GALNT9: variants seen among roughly 807,000 people sequenced by gnomAD.
GALNT9 encodes polypeptide N-acetylgalactosaminyltransferase 9, also known as GalNAc transferase 9.
Under a neutral mutation model 63.1 loss-of-function variants are expected in GALNT9, and 47 were observed. The ratio of observed to expected loss-of-function variants is 0.75; its 90% CI spans 0.59 to 0.95. The LOEUF (loss-of-function observed/expected upper bound fraction) is 0.95. Among genes scored for constraint, GALNT9 ranks in the 40% least tolerant of loss-of-function variants. GALNT9 has a pLI of 0.00. For synonymous variants in GALNT9, 396 were observed against 365.7 expected (o/e 1.08, Z -0.94); for missense variants, 829 against 874.8 (o/e 0.95, Z 0.66).
At chr12:132,247,886 C>G (rs782148465) in intron 6 of GALNT9, 24 bp downstream of exon 6, 1 of 1,550,910 alleles carries the variant, frequency 6.4e-7, no homozygotes, top group Non-Finnish European at 8.7e-7. Context: ...TCACCCTGTC[C>G]CTGGACACCG....
intron 1 of GALNT9, among the ~76,000 whole-genome samples, chr12:132,314,366 T>A (rs1216739287): frequency 6.6e-6 from 1 of 152,158 alleles, no homozygotes; most frequent in Non-Finnish European, 1.5e-5. Flanking sequence ...CTAACTTTTC[T>A]GGGACCTACC....
chr12:132,247,255 G>A (rs574735050), intron 6 of GALNT9, among the ~76,000 whole-genome samples: 2 of 152,310 alleles, frequency 1.3e-5, no homozygotes, highest in South Asian at 4.1e-4. Context: ...CCCACCCTCT[G>A]TGCCGAAGGA....
At chr12:132,260,111 G>T (rs1879320155) in intron 4 of GALNT9, among the ~76,000 whole-genome samples, 1 of 152,008 alleles carries the variant, frequency 6.6e-6, no homozygotes, top group African/African-American at 2.4e-5. Flanking sequence ...GGGTTTGCCT[G>T]GGGGCATCCT....
chr12:132,307,753 G>GC (rs36053995), intron 1 of GALNT9, among the ~76,000 whole-genome samples: 36,039 of 151,788 alleles, frequency 0.24, 5,314 homozygotes, highest in South Asian at 0.39. Flanking sequence ...AGAATCACCT[G>GC]CACCTAGGAG....
chr12:132,208,568 G>A (rs746019775), intron 6 of GALNT9, among the ~76,000 whole-genome samples: 7 of 152,166 alleles, frequency 4.6e-5, no homozygotes, highest in African/African-American at 1.4e-4. Flanking sequence ...TAACCTGGCC[G>A]CCAGCATGAG....
In GALNT9 at chr12:132,289,633, G is replaced by A. The variant is rs548363107; in HGVS notation, c.239-3203C>T. Among the ~76,000 whole-genome samples, 6 of 152,340 alleles carry A rather than the reference G, an allele frequency of 3.9e-5. No individual in the cohort carries two copies. The East Asian group carries it at 7.7e-4, about 20-fold the overall frequency. On this transcript the variant is annotated intron_variant, in intron 1 of 10. Coordinates refer to ENST00000328957, the MANE Select transcript of GALNT9 (RefSeq NM_001122636.2). ...GGGGGTTAGGGGACACCCCAGCCAC[G>A]CTGCTGCTCACAGCTTCCTTGCGGA...
At chr12:132,216,208 C>T (rs578052373) in intron 6 of GALNT9, among the ~76,000 whole-genome samples, 19 of 152,110 alleles carry the variant, frequency 1.2e-4, no homozygotes, top group East Asian at 3.9e-4. Context: ...GAGACAGACA[C>T]GGAGAGAGAG....
intron 2 of GALNT9, among the ~76,000 whole-genome samples, chr12:132,268,869 C>T (rs988587724): frequency 2.0e-5 from 3 of 152,220 alleles, no homozygotes; most frequent in African/African-American, 4.8e-5. Context: ...GTGCAGCCGA[C>T]GTACAAAAGC....
chr12:132,267,187 G>A (rs1879632745), intron 2 of GALNT9, among the ~76,000 whole-genome samples: 1 of 148,094 alleles, frequency 6.8e-6, no homozygotes, highest in Non-Finnish European at 1.5e-5. Flanking sequence ...GAGGGCTGGG[G>A]AATGAGGGCA....
chr12:132,260,830 G>A lies in GALNT9; in HGVS notation c.761+118C>T, dbSNP rs1378679650. Reference sequence around the variant, plus strand: ...AGTCCCAGATCCTGAAGGCTACGGCGAGTCTCCCAGCCCCGGGGCCAACCC... The same window carrying A: ...AGTCCCAGATCCTGAAGGCTACGGCAAGTCTCCCAGCCCCGGGGCCAACCC... On this transcript the variant is annotated intron_variant, in intron 4 of 10. Coordinates refer to ENST00000328957, the MANE Select transcript of GALNT9 (RefSeq NM_001122636.2). The A allele has an allele frequency of 2.6e-5, 35 of 1,357,798 alleles. No homozygotes were observed. The Admixed American group carries it at 6.2e-4, about 24-fold the overall frequency. 84.1% of individuals were successfully genotyped at this position (1,357,798 alleles called of 1,614,324 possible).
At chr12:132,202,041 C>T (rs769158909) in intron 7 of GALNT9, among the ~76,000 whole-genome samples, 29 of 152,222 alleles carry the variant, frequency 1.9e-4, no homozygotes, top group Non-Finnish European at 3.8e-4. Context: ...GCTTGAATCC[C>T]GTCACCTTCT....
chr12:132,318,985 C>T lies in GALNT9; in HGVS notation c.238+9981G>A, dbSNP rs140885585. 1.1e-3 allele frequency among the ~76,000 whole-genome samples: 163 copies of T among 152,358 alleles called. 1 individual carries two copies. Among genetic ancestry groups the T allele is most frequent in the Admixed American group, 8.8e-3 (135 of 15,308 alleles). On this transcript the variant is annotated intron_variant, in intron 1 of 10. Coordinates refer to ENST00000328957, the MANE Select transcript of GALNT9 (RefSeq NM_001122636.2). ...CTTTCAGGGCCCTGCTCATGCACACCGGGCAGCTGCACGGGTCCTTTGGAC... is the reference window on the plus strand; with the variant it reads ...CTTTCAGGGCCCTGCTCATGCACACTGGGCAGCTGCACGGGTCCTTTGGAC...
chr12:132,214,441 C>A (rs1025137089), intron 6 of GALNT9, among the ~76,000 whole-genome samples: 1 of 152,234 alleles, frequency 6.6e-6, no homozygotes, highest in Admixed American at 6.5e-5. Flanking sequence ...TGAGCACCCC[C>A]CCAGCGTCTT....
chr12:132,285,523 C>G (rs970228011), intron 2 of GALNT9, among the ~76,000 whole-genome samples: 1 of 152,262 alleles, frequency 6.6e-6, no homozygotes, highest in Non-Finnish European at 1.5e-5. Flanking sequence ...CGGCCAGGGC[C>G]CGGCTCCTGA....
Position 132,201,206 on chromosome 12 carries a change from AGCCTCT to A in GALNT9, c.1313_1318del (p.Gln438_Arg439del). 6.2e-7 allele frequency: 1 copy of A among 1,612,922 alleles called. No individual in the cohort carries two copies. Among genetic ancestry groups the A allele is most frequent in the Non-Finnish European group, 8.5e-7 (1 of 1,179,094 alleles). ...GTACCACTTGAAGCTGCGACACTTC[AGCCTCT>A]GACGCAGGGCCAGCCTCTCAGACAC... On this transcript the variant is annotated inframe_deletion, in exon 8 of 11. Transcript: ENST00000328957.
chr12:132,329,347 C>G lies in GALNT9; in HGVS notation c.-144G>C. 1 of 1,256,788 alleles carries G rather than the reference C, an allele frequency of 8.0e-7. No individual in the cohort carries two copies. Among genetic ancestry groups the G allele is most frequent in the South Asian group, 1.8e-5 (1 of 55,576 alleles). The allele number at this position is 1,256,788 out of a possible 1,614,324, so 77.9% of individuals were successfully genotyped here. On this transcript the variant is annotated 5_prime_UTR_variant, in exon 1 of 11. Coordinates refer to ENST00000328957, the MANE Select transcript of GALNT9 (RefSeq NM_001122636.2). ...CTCGGCCGGAGCTGTCCCTTCAGCA[C>G]CAGCTCAGCGCGCCGGGCCACGGCC...
At chr12:132,287,093 T>C (rs1024110029) in intron 1 of GALNT9, among the ~76,000 whole-genome samples, 2 of 100,308 alleles carry the variant, frequency 2.0e-5, no homozygotes, top group Non-Finnish European at 3.9e-5. Context: ...CAGCCCTCAG[T>C]GAGTCACCTG....
intron 2 of GALNT9, among the ~76,000 whole-genome samples, chr12:132,276,911 C>T (rs1305046055): frequency 1.3e-5 from 2 of 152,098 alleles, no homozygotes; most frequent in African/African-American, 4.8e-5. Context: ...CACACATGCA[C>T]ACATGTCCAC....
chr12:132,257,348 AGG>A (rs1245129981), intron 5 of GALNT9, among the ~76,000 whole-genome samples: 1 of 152,022 alleles, frequency 6.6e-6, no homozygotes, highest in Non-Finnish European at 1.5e-5. Context: ...GGCAAAGCCC[AGG>A]GGCCCCAGCA....
Sources: allele counts gnomAD v4.1 joint callset (sites outside exome capture counted in the v4.1 genomes callset), GRCh38; gene constraint gnomAD v4.1.1; transcripts MANE v1.5; gene names NCBI Gene and HGNC (gene_info 2026-07-23, HGNC 2026-07-21).